ISOC2: variants seen among roughly 807,000 people sequenced by gnomAD.
ISOC2 encodes the protein isochorismatase domain-containing protein 2.
In ISOC2, 15 loss-of-function variants were observed where a neutral mutation model predicts 19.3. That is an observed-to-expected ratio of 0.78 (90% CI 0.52 to 1.20). The LOEUF (loss-of-function observed/expected upper bound fraction) is 1.20, where lower values mean the gene tolerates loss of function less well. Among genes scored for constraint, ISOC2 ranks in the 50% most tolerant of loss-of-function variants. ISOC2 has a pLI of 0.00. For missense variants in ISOC2, 285 were observed against 272.4 expected (o/e 1.05, Z -0.33); for synonymous variants, 106 against 115.8 (o/e 0.92, Z 0.54).
At chr19:55,459,442 T>C (rs1398763179) in intron 1 of ISOC2, among the ~76,000 whole-genome samples, 1 of 152,168 alleles carries the variant, frequency 6.6e-6, no homozygotes, top group Non-Finnish European at 1.5e-5. Flanking sequence ...AAGTGGGATT[T>C]GGAGGGAGTC....
chr19:55,456,939 C>T (rs549587158), intron 1 of ISOC2, among the ~76,000 whole-genome samples: 4 of 152,180 alleles, frequency 2.6e-5, no homozygotes, highest in Admixed American at 6.5e-5. Flanking sequence ...CCATCAGCCC[C>T]GGTTACTATC....
chr19:55,454,958 G>C (rs1026801984), intron 5 of ISOC2, 31 bp downstream of exon 5: 1 of 1,456,826 alleles, frequency 6.9e-7, no homozygotes. Context: ...GACAGATGCA[G>C]GGGAGGTGGG....
intron 1 of ISOC2, among the ~76,000 whole-genome samples, chr19:55,457,952 G>A (rs1336324306): frequency 1.3e-5 from 2 of 151,928 alleles, no homozygotes; most frequent in Non-Finnish European, 1.5e-5. Context: ...AAATGCTCTG[G>A]GACTTGGTGG....
chr19:55,460,205 G>C (rs567751282), intron 1 of ISOC2, among the ~76,000 whole-genome samples: 19 of 152,214 alleles, frequency 1.2e-4, no homozygotes, highest in Middle Eastern at 3.4e-3. Context: ...GTTATTCCTC[G>C]CAGCCAGAAA....
rs762620915 is a variant in ISOC2, at chr19:55,453,265, C to T, written c.*43G>A. ...GGGGGAACGGGCTTCCACTGAGGTC[C>T]GGGTGACAGGAGGGTGGTCTTCCCT... On this transcript the variant is annotated 3_prime_UTR_variant, in exon 6 of 6. Coordinates refer to ENST00000425675, the MANE Select transcript of ISOC2 (RefSeq NM_001136201.2). 10 of 1,459,540 alleles carry T rather than the reference C, an allele frequency of 6.9e-6. No homozygotes were observed. The highest frequency in any genetic ancestry group is 9.4e-6 in the Non-Finnish European group (10 of 1,062,620). 90.4% of individuals were successfully genotyped at this position (1,459,540 alleles called of 1,614,324 possible).
intron 1 of ISOC2, among the ~76,000 whole-genome samples, chr19:55,458,666 T>C (rs1326119564): frequency 6.6e-6 from 1 of 151,952 alleles, no homozygotes; most frequent in Non-Finnish European, 1.5e-5. Context: ...TAGCTGGGAT[T>C]ACAGGCTTGT....
intron 1 of ISOC2, among the ~76,000 whole-genome samples, chr19:55,459,303 TA>T (rs1420242481): frequency 6.6e-6 from 1 of 152,160 alleles, no homozygotes; most frequent in African/African-American, 2.4e-5. Context: ...ATCTCAAGTT[TA>T]AAAACGAATA....
chr19:55,453,356 G>A lies in ISOC2; in HGVS notation c.570C>T (p.Asp190=). Residue 190 remains aspartate (D), a synonymous_variant, in exon 6 of 6, where the codon GAC becomes GAT. Transcript: ENST00000425675. The part of the protein sequence containing the change: ...IQKLIKEPAP[D]SGLLGLFQGQ... ...CTTGGAAGAGGCCCAGCAGTCCGCT[G>A]TCTGGGGCGGGCTCCTTGATGAGTT... 6.2e-7 allele frequency: 1 copy of A among 1,607,498 alleles called. No homozygotes were observed. Among genetic ancestry groups the A allele is most frequent in the Non-Finnish European group, 8.5e-7 (1 of 1,177,210 alleles).
chr19:55,457,543 AAG>A (rs1986100066), intron 1 of ISOC2, among the ~76,000 whole-genome samples: 1 of 151,402 alleles, frequency 6.6e-6, no homozygotes, highest in Non-Finnish European at 1.5e-5. Flanking sequence ...TCAAAAAAAA[AAG>A]AGACTGGGCT....
chr19:55,456,482 G>A lies in ISOC2; in HGVS notation c.5C>T (p.Ala2Val), dbSNP rs200823817. ...TCGGCCCAGGCTGGGCCTGGCAGCC[G>A]CCATTTTCTGGGGGTGGGCAGAGGG... is the stretch of plus-strand genomic sequence containing the variant. M[A>V]AARPSLGRVL... The change falls in exon 2 of 6, where the codon GCG becomes GTG. Residue 2 changes from alanine (A) to valine (V), a missense_variant. Coordinates refer to ENST00000425675, the MANE Select transcript of ISOC2 (RefSeq NM_001136201.2). The A allele has an allele frequency of 5.8e-5, 93 of 1,613,456 alleles. 1 individual carries two copies. The highest frequency in any genetic ancestry group is 8.0e-5 in the African/African-American group (6 of 74,874).
intron 1 of ISOC2, among the ~76,000 whole-genome samples, chr19:55,461,042 T>G (rs1391136154): frequency 2.0e-5 from 3 of 150,182 alleles, no homozygotes; most frequent in African/African-American, 7.4e-5. Context: ...GAGAGAGAGA[T>G]GTGAAGGGGA....
intron 1 of ISOC2, chr19:55,460,009 A>C (rs1986184019): frequency 6.6e-6 from 1 of 152,166 alleles, no homozygotes. Flanking sequence ...CATTTCTCAA[A>C]ATGATGGATA....
At chr19:55,457,433 C>T (rs910783339) in intron 1 of ISOC2, among the ~76,000 whole-genome samples, 2 of 151,896 alleles carry the variant, frequency 1.3e-5, no homozygotes, top group Non-Finnish European at 2.9e-5. Flanking sequence ...GCTCGGGAGG[C>T]TGAGGCAGGA....
intron 1 of ISOC2, chr19:55,457,117 A>G (rs1184835041): frequency 6.5e-6 from 1 of 153,394 alleles, no homozygotes; most frequent in African/African-American, 2.4e-5. Context: ...AACTGAGGCC[A>G]TATTCTTCAG....
At position 55,455,698 on chromosome 19, in the gene ISOC2, C is replaced by A; in HGVS notation, c.286G>T (p.Asp96Tyr). ...ACAGAGCGCAGCTGGGGCCGACTGTCCAGCTCCTGCTGCAGGGCAGGCACC... is the reference window on the plus strand; with the variant it reads ...ACAGAGCGCAGCTGGGGCCGACTGTACAGCTCCTGCTGCAGGGCAGGCACC... Reference protein sequence around the residue: ...SMVPALQQELDSRPQLRSVLL... With the variant: ...SMVPALQQELYSRPQLRSVLL... Residue 96 changes from aspartate to tyrosine, a missense_variant, in exon 3 of 6, where the codon GAC becomes TAC. Transcript: ENST00000425675. The A allele has an allele frequency of 6.2e-7, 1 of 1,611,586 alleles. No individual in the cohort carries two copies. Among genetic ancestry groups the A allele is most frequent in the East Asian group, 2.2e-5 (1 of 44,822 alleles).
At chr19:55,458,681 C>T (rs191372664) in intron 1 of ISOC2, among the ~76,000 whole-genome samples, 33 of 152,026 alleles carry the variant, frequency 2.2e-4, no homozygotes, top group Non-Finnish European at 3.5e-4. Flanking sequence ...GCTTGTGCCA[C>T]CATGCCTGGC....
rs369547081 is a variant in ISOC2, at chr19:55,455,376, G to T, written c.349-46C>A. 3 of 1,609,732 alleles carry T rather than the reference G, an allele frequency of 1.9e-6. No individual in the cohort carries two copies. The African/African-American group carries it at 4.0e-5, about 22-fold the overall frequency. On this transcript the variant is annotated intron_variant, in intron 3 of 5. Coordinates refer to ENST00000425675, the MANE Select transcript of ISOC2 (RefSeq NM_001136201.2). ...GGGCCAACCCCGGATAAGAACGGGG[G>T]TCCTGGGTAAGGAATTGGGGATGGT...
rs532241661 is a variant in ISOC2, at chr19:55,456,112, T to C, written c.138+237A>G. ...GGTCTGAAGGAAGAGGAGTTGGGCC[T>C]GGACGCCTGGGTCTGAGGGTGGAGG... On this transcript the variant is annotated intron_variant, in intron 2 of 5. Transcript: ENST00000425675. 17 of 593,356 alleles carry C rather than the reference T, an allele frequency of 2.9e-5. No homozygotes were observed. The African/African-American group carries it at 3.0e-4, about 11-fold the overall frequency. The allele number at this position is 593,356 out of a possible 1,614,324, so 36.8% of individuals were successfully genotyped here.
rs979713226 is a variant in ISOC2 at position 55,456,545 on chromosome 19, C to T, written c.-3-56G>A. On this transcript the variant is annotated intron_variant, in intron 1 of 5. Transcript: ENST00000425675. ...GCCCGAGGGCTCCTCTCAGTGTCTCCAGCTGGCGTCCAGGTCCTCACACTC... is the reference window on the plus strand; with the variant it reads ...GCCCGAGGGCTCCTCTCAGTGTCTCTAGCTGGCGTCCAGGTCCTCACACTC... 4.6e-5 allele frequency: 73 copies of T among 1,592,940 alleles called. 1 individual carries two copies. The highest frequency in any genetic ancestry group is 5.6e-5 in the Non-Finnish European group (65 of 1,169,456).
Sources: gnomAD v4.1 joint callset for allele counts (sites outside exome capture counted in the v4.1 genomes callset) on GRCh38, gnomAD v4.1.1 for gene constraint, MANE v1.5 for transcripts, NCBI Gene and HGNC (gene_info 2026-07-23, HGNC 2026-07-21) for gene names.